Variants in HYDIN observed in about 807,000 individuals in gnomAD.
HYDIN encodes HYDIN axonemal central pair apparatus protein.
Under a neutral mutation model 403.9 loss-of-function variants are expected in HYDIN, and 132 were observed. That is an observed-to-expected ratio of 0.33 (90% CI 0.28 to 0.38). The LOEUF is 0.38. HYDIN is among the 10% of genes least tolerant of loss of function. HYDIN has a pLI of 1.00. For synonymous variants in HYDIN, 1,202 were observed against 1,891.7 expected (o/e 0.64, Z 9.46); for missense variants, 2,827 against 5,009.5 (o/e 0.56, Z 13.15).
At chr16:71,096,749 C>T (rs1379839477) in intron 10 of HYDIN, among the ~76,000 whole-genome samples, 2 of 109,578 alleles carry the variant, frequency 1.8e-5, no homozygotes, top group Non-Finnish European at 3.3e-5. Flanking sequence ...ATCTGGTTCT[C>T]CTGGGTTTGT....
At chr16:71,112,079 C>T (rs1254374518) in intron 10 of HYDIN, among the ~76,000 whole-genome samples, 1 of 139,960 alleles carries the variant, frequency 7.1e-6, no homozygotes, top group East Asian at 2.1e-4. Context: ...AAGGAATGGA[C>T]ATTAGATGAC....
chr16:71,173,671 C>G (rs1362154381), intron 5 of HYDIN, among the ~76,000 whole-genome samples: 1 of 152,144 alleles, frequency 6.6e-6, no homozygotes. Context: ...ACTCCCTCCC[C>G]CTTCTATTGT....
At chr16:70,859,293 T>C (rs1458003486) in intron 71 of HYDIN, among the ~76,000 whole-genome samples, 6 of 151,830 alleles carry the variant, frequency 4.0e-5, no homozygotes, top group Admixed American at 1.3e-4. Flanking sequence ...AGAGCAAGAC[T>C]CTGTCTCAAA....
chr16:70,938,529 C>G (rs2077567870), intron 44 of HYDIN, 85 bp downstream of exon 44: 2 of 802,170 alleles, frequency 2.5e-6, no homozygotes, highest in Admixed American at 4.5e-5. Flanking sequence ...TGGAAGATGG[C>G]TTGGGCTCAC....
rs377411172 is a variant in HYDIN, at chr16:70,943,891, C to G, written c.6590G>C (p.Ser2197Thr). Residue 2197 changes from serine to threonine, a missense_variant, in exon 42 of 86, where the codon AGT becomes ACT. Coordinates refer to ENST00000393567, the MANE Select transcript of HYDIN (RefSeq NM_001270974.2). ...PIHRWLSVSP[S>T]VGGETGLMSC... is the part of the protein sequence containing the mutation. ...CATCAGCCCGGTCTCGCCTCCGACA[C>G]TGGGACTAACACTGAGCCAGCGGTG... 9 of 1,613,602 alleles carry G rather than the reference C, an allele frequency of 5.6e-6. No individual in the cohort carries two copies. The highest frequency in any genetic ancestry group is 1.6e-4 in the Middle Eastern group (1 of 6,084).
chr16:71,108,357 G>C (rs1408529493), intron 10 of HYDIN, among the ~76,000 whole-genome samples: 1 of 152,052 alleles, frequency 6.6e-6, no homozygotes, highest in Non-Finnish European at 1.5e-5. Context: ...AAAAAAGCAA[G>C]GATATGATGG....
At chr16:70,936,907 C>T (rs2077510343) in intron 44 of HYDIN, among the ~76,000 whole-genome samples, 1 of 151,594 alleles carries the variant, frequency 6.6e-6, no homozygotes, top group African/African-American at 2.4e-5. Flanking sequence ...GCCGTGTTCC[C>T]CTCCTCCACC....
At position 70,870,973 on chromosome 16, in the gene HYDIN, A is replaced by G. The variant is rs79915816; in HGVS notation, c.11091+1064T>C. Among the ~76,000 whole-genome samples, 7 of 152,258 alleles carry G rather than the reference A, an allele frequency of 4.6e-5. No individual in the cohort carries two copies. The South Asian group carries it at 1.5e-3, about 32-fold the overall frequency. The stretch of plus-strand genomic sequence containing the variant: ...TTGATCTTGGGAAGTGGAGGTTGCA[A>G]TGAGCCAAGATTGTAACACTGCACT... On this transcript the variant is annotated intron_variant, in intron 65 of 85. Coordinates refer to ENST00000393567, the MANE Select transcript of HYDIN (RefSeq NM_001270974.2).
chr16:70,992,420 G>C (rs1286168392), intron 23 of HYDIN, among the ~76,000 whole-genome samples: 1 of 137,874 alleles, frequency 7.3e-6, no homozygotes, highest in Non-Finnish European at 1.5e-5. Flanking sequence ...CTGACTACCA[G>C]TCTAGGCCCA....
intron 74 of HYDIN, among the ~76,000 whole-genome samples, chr16:70,850,236 C>T (rs1272759881): frequency 3.6e-5 from 5 of 139,344 alleles, no homozygotes; most frequent in African/African-American, 1.7e-4. Context: ...CTTCTCCCCA[C>T]CATCTCTCCA....
intron 60 of HYDIN, among the ~76,000 whole-genome samples, chr16:70,882,430 G>C (rs1465882321): frequency 6.6e-6 from 1 of 152,242 alleles, no homozygotes; most frequent in Non-Finnish European, 1.5e-5. Context: ...GGAGGAATGC[G>C]GTTTGCTCGT....
Position 70,872,026 on chromosome 16 carries a change from CTT to C in HYDIN, c.11091+9_11091+10del, listed in dbSNP as rs775359013. On this transcript the variant is annotated intron_variant, in intron 65 of 85. Transcript: ENST00000393567. ...AGGGATTCCAAAAAATGATGAATGA[CTT>C]TTATTTACCTGTGGGGAGAAAGCAA... is the stretch of plus-strand genomic sequence containing the variant. The C allele has an allele frequency of 2.7e-5, 43 of 1,607,726 alleles. No homozygotes were observed. The Admixed American group carries it at 7.2e-4, about 27-fold the overall frequency.
At chr16:71,187,810 G>A (rs755205743) in intron 1 of HYDIN, among the ~76,000 whole-genome samples, 46 of 151,960 alleles carry the variant, frequency 3.0e-4, no homozygotes, top group Non-Finnish European at 5.9e-4. Flanking sequence ...AAATGAATAT[G>A]AAATTTTAAA....
intron 7 of HYDIN, among the ~76,000 whole-genome samples, chr16:71,151,436 G>A (rs1167844829): frequency 6.6e-6 from 1 of 151,346 alleles, no homozygotes; most frequent in Non-Finnish European, 1.5e-5. Flanking sequence ...TTCTCTGGGT[G>A]TACCTTCAAG....
intron 45 of HYDIN, among the ~76,000 whole-genome samples, chr16:70,923,647 C>CAAAAAAAAAA (rs57860871): frequency 8.0e-3 from 548 of 68,644 alleles, no homozygotes; most frequent in Non-Finnish European, 9.6e-3. Flanking sequence ...CTAAAAAATA[C>CAAAAAAAAAA]AAAAAAAAAA....
intron 8 of HYDIN, among the ~76,000 whole-genome samples, chr16:71,135,202 A>G (rs111501036): frequency 3.0e-4 from 46 of 152,216 alleles, no homozygotes; most frequent in Admixed American, 1.6e-3. Context: ...AGAAGAAATA[A>G]TAGAAAGAGC....
At chr16:70,932,825 A>G (rs2077386395) in intron 45 of HYDIN, among the ~76,000 whole-genome samples, 1 of 152,218 alleles carries the variant, frequency 6.6e-6, no homozygotes, top group South Asian at 2.1e-4. Flanking sequence ...GTCAGCAAGG[A>G]TTAAAAGGAA....
chr16:70,806,941 G>A lies in HYDIN; in HGVS notation c.*639C>T, dbSNP rs976242608. Reference sequence around the variant, plus strand: ...CAAGGCGGGGTGTGTATGTGTGGTGGGGGGAGCTGGGATCTCTATTAGCCT... The same window carrying A: ...CAAGGCGGGGTGTGTATGTGTGGTGAGGGGAGCTGGGATCTCTATTAGCCT... On this transcript the variant is annotated 3_prime_UTR_variant, in exon 86 of 86. Coordinates refer to ENST00000393567, the MANE Select transcript of HYDIN (RefSeq NM_001270974.2). Among the ~76,000 whole-genome samples, 3 of 152,046 alleles carry A rather than the reference G, an allele frequency of 2.0e-5. No homozygotes were observed. The highest frequency in any genetic ancestry group is 7.3e-5 in the African/African-American group (3 of 41,370).
At chr16:71,222,998 A>G (rs1248420262) in intron 1 of HYDIN, among the ~76,000 whole-genome samples, 1 of 152,206 alleles carries the variant, frequency 6.6e-6, no homozygotes, top group Non-Finnish European at 1.5e-5. Flanking sequence ...GGAACCAAAA[A>G]AGAGCTCACA....
Sources: gnomAD v4.1 joint callset for allele counts (sites outside exome capture counted in the v4.1 genomes callset) on GRCh38, gnomAD v4.1.1 for gene constraint, MANE v1.5 for transcripts, NCBI Gene and HGNC (gene_info 2026-07-23, HGNC 2026-07-21) for gene names.